The following NBEAL1 variants were observed in gnomAD, a reference collection of about 807,000 sequenced individuals.
NBEAL1 encodes neurobeachin-like protein 1.
NBEAL1 carries 273 observed loss-of-function variants against 351.3 expected under a neutral mutation model. That is an observed-to-expected ratio of 0.78 (90% CI 0.70 to 0.86). The LOEUF is 0.86. NBEAL1 is among the 40% of genes least tolerant of loss of function. NBEAL1 has a pLI of 0.00. For synonymous variants in NBEAL1, 1,050 were observed against 1,086.4 expected (o/e 0.97, Z 0.66); for missense variants, 2,961 against 3,201.3 (o/e 0.92, Z 1.81).
intron 20 of NBEAL1, 81 bp downstream of exon 20, chr2:203,125,601 C>A: frequency 8.1e-7 from 1 of 1,227,146 alleles, no homozygotes; most frequent in Non-Finnish European, 1.1e-6. Flanking sequence ...GTTTTACTGT[C>A]ATTAGGAAGA....
At chr2:203,110,727 A>C (rs912596513) in intron 15 of NBEAL1, among the ~76,000 whole-genome samples, 5 of 144,920 alleles carry the variant, frequency 3.5e-5, no homozygotes, top group Non-Finnish European at 7.6e-5. Context: ...ATAGAACGTT[A>C]GGATGTCTTA....
intron 18 of NBEAL1, among the ~76,000 whole-genome samples, chr2:203,119,358 A>G (rs917545774): frequency 1.4e-5 from 2 of 146,560 alleles, no homozygotes; most frequent in Admixed American, 1.4e-4. Flanking sequence ...GGCTCAAGTG[A>G]TCCACCCACT....
chr2:203,016,318 T>C lies in NBEAL1; in HGVS notation c.-67T>C. The stretch of plus-strand genomic sequence containing the variant: ...CGGCTGAAAAACTTGGAAAATAAAA[T>C]GGACATGCTGTAGTCTTGAACATAA... On this transcript the variant is annotated 5_prime_UTR_variant, in exon 2 of 56. The change abolishes an upstream ATG in the 5' untranslated region. Transcript: ENST00000683969. 1 of 1,136,358 alleles carries C rather than the reference T, an allele frequency of 8.8e-7. No homozygotes were observed. The highest frequency in any genetic ancestry group is 2.7e-5 in the East Asian group (1 of 37,470). 70.4% of individuals were successfully genotyped at this position (1,136,358 alleles called of 1,614,324 possible).
At chr2:203,134,250 T>G (rs1343327120) in intron 27 of NBEAL1, among the ~76,000 whole-genome samples, 1 of 152,190 alleles carries the variant, frequency 6.6e-6, no homozygotes, top group Non-Finnish European at 1.5e-5. Flanking sequence ...GAAACAGCTC[T>G]CAGTGCAGCT....
chr2:203,068,008 A>G (rs985926317), intron 6 of NBEAL1, among the ~76,000 whole-genome samples: 1 of 152,344 alleles, frequency 6.6e-6, no homozygotes, highest in Admixed American at 6.5e-5. Flanking sequence ...AGTTTCAGAA[A>G]GTGGCAGAGT....
intron 51 of NBEAL1, among the ~76,000 whole-genome samples, chr2:203,206,077 AG>A (rs2065546440): frequency 6.6e-6 from 1 of 152,224 alleles, no homozygotes; most frequent in East Asian, 1.9e-4. Flanking sequence ...GTCTTCTGGA[AG>A]ATGACTCAGA....
chr2:203,061,953 A>C (rs897130879), intron 6 of NBEAL1: 2 of 281,102 alleles, frequency 7.1e-6, no homozygotes, highest in Admixed American at 1.0e-4. Context: ...CTGTGAGAGA[A>C]TTAAAGGCTT....
chr2:203,092,136 G>C (rs958195745), intron 10 of NBEAL1, among the ~76,000 whole-genome samples: 1 of 152,126 alleles, frequency 6.6e-6, no homozygotes, highest in African/African-American at 2.4e-5. Flanking sequence ...GTAAAAACAA[G>C]TTGTAACTCA....
intron 2 of NBEAL1, among the ~76,000 whole-genome samples, chr2:203,031,561 G>A (rs911268457): frequency 1.1e-4 from 16 of 152,132 alleles, no homozygotes; most frequent in African/African-American, 3.6e-4. Flanking sequence ...AAGAGCAAAT[G>A]TCAGCTACTT....
chr2:203,026,743 G>C (rs2106005870), intron 2 of NBEAL1, among the ~76,000 whole-genome samples: 1 of 152,234 alleles, frequency 6.6e-6, no homozygotes, highest in East Asian at 1.9e-4. Flanking sequence ...TCAATCTCTT[G>C]ACCTTGTGAT....
chr2:203,162,123 G>C (rs550794174), intron 36 of NBEAL1, among the ~76,000 whole-genome samples: 1 of 148,410 alleles, frequency 6.7e-6, no homozygotes, highest in East Asian at 2.0e-4. Context: ...TCCTGGGTTC[G>C]AGTGATTCTC....
At chr2:203,061,091 C>T (rs2061491713) in intron 6 of NBEAL1, among the ~76,000 whole-genome samples, 3 of 152,158 alleles carry the variant, frequency 2.0e-5, no homozygotes, top group African/African-American at 4.8e-5. Context: ...GGCTTATCTC[C>T]ACTGACTTCT....
Position 203,123,401 on chromosome 2 carries a change from C to T in NBEAL1, c.2682+1058C>T, listed in dbSNP as rs138315896. Among the ~76,000 whole-genome samples the T allele has an allele frequency of 5.7e-3, 840 of 148,276 alleles. 12 individuals carry two copies. Among genetic ancestry groups the T allele is most frequent in the African/African-American group, 0.019 (783 of 40,210 alleles). ...GCCCTGGCTGGAGTGCAGTGGATCTCGGCTCACTACAACCTCTGCCTCCCA... is the reference window on the plus strand; with the variant it reads ...GCCCTGGCTGGAGTGCAGTGGATCTTGGCTCACTACAACCTCTGCCTCCCA... On this transcript the variant is annotated intron_variant, in intron 19 of 55. Transcript: ENST00000683969.
At chr2:203,141,473 C>T (rs970577491) in intron 31 of NBEAL1, among the ~76,000 whole-genome samples, 1 of 144,420 alleles carries the variant, frequency 6.9e-6, no homozygotes, top group African/African-American at 2.5e-5. Flanking sequence ...CTCTCCACCT[C>T]CCAGGCTCAA....
In NBEAL1 at chr2:203,056,493, ACT is replaced by A. The variant is rs756271819; in HGVS notation, c.375_376del (p.Ile127SerfsTer19). On this transcript the variant is annotated frameshift_variant, in exon 5 of 56. Transcript: ENST00000683969. LOFTEE classifies it high-confidence loss of function. The stretch of plus-strand genomic sequence containing the variant: ...TTAATTATGTCATCACCATGACAAC[ACT>A]CTATATTCAGCAAGTAGGTGTGAAC... ...YINYVITMTT[L>X]YIQQLKSKKK... 9 of 1,539,638 alleles carry A rather than the reference ACT, an allele frequency of 5.8e-6. No homozygotes were observed. In the South Asian group the frequency reaches 5.9e-5, roughly 10 times the overall value.
chr2:203,119,610 C>G lies in NBEAL1; in HGVS notation c.2593-2644C>G, dbSNP rs2062784352. 2.6e-5 allele frequency among the ~76,000 whole-genome samples: 4 copies of G among 151,424 alleles called. No homozygotes were observed. In the East Asian group the frequency reaches 7.8e-4, roughly 29 times the overall value. On this transcript the variant is annotated intron_variant, in intron 18 of 55. Transcript: ENST00000683969. ...CTGGCTAATTTTTGTATTTTTAGTA[C>G]AGACGAGGTTTCACCATGATGGTCA...
At chr2:203,072,685 C>G in intron 7 of NBEAL1, among the ~76,000 whole-genome samples, 1 of 152,136 alleles carries the variant, frequency 6.6e-6, no homozygotes, top group African/African-American at 2.4e-5. Flanking sequence ...TAAGGATCCC[C>G]TTTCCACTAG....
intron 2 of NBEAL1, among the ~76,000 whole-genome samples, chr2:203,019,087 T>G (rs192341584): frequency 1.3e-5 from 2 of 152,286 alleles, no homozygotes; most frequent in Admixed American, 6.5e-5. Flanking sequence ...GATTTTGACC[T>G]TAGAGTTTTC....
chr2:203,126,860 G>A lies in NBEAL1; in HGVS notation c.3182G>A (p.Ser1061Asn), dbSNP rs749012269. 8.4e-6 allele frequency: 13 copies of A among 1,552,576 alleles called. No homozygotes were observed. The South Asian group carries it at 1.4e-4, about 17-fold the overall frequency. The change falls in exon 23 of 56, where the codon AGC becomes AAC. Residue 1061 changes from serine (S) to asparagine (N), a missense_variant. Physicochemically the swap from Ser to Asn is conservative, Grantham distance 46. Coordinates refer to ENST00000683969, the MANE Select transcript of NBEAL1 (RefSeq NM_001378026.1). ...IQYLSTIIKD[S>N]RRVFRKKYGV... ...TATCTTTCAACCATCATTAAAGACA[G>A]CAGGAGAGTTTTCCGAAAGAAGTAT...
Sources: gnomAD v4.1 joint callset for allele counts (sites outside exome capture counted in the v4.1 genomes callset) on GRCh38, gnomAD v4.1.1 for gene constraint, MANE v1.5 for transcripts, NCBI Gene and HGNC (gene_info 2026-07-23, HGNC 2026-07-21) for gene names.